The following ACYP2 variants were observed in gnomAD, a reference collection of about 807,000 sequenced individuals.
The protein encoded by ACYP2 is acylphosphatase-2.
ACYP2 carries 12 observed loss-of-function variants against 11.2 expected under a neutral mutation model. That is an observed-to-expected ratio of 1.08 (90% CI 0.69 to 1.74). The LOEUF (loss-of-function observed/expected upper bound fraction) is 1.74. Among genes scored for constraint, ACYP2 ranks in the 40% most tolerant of loss-of-function variants. ACYP2 has a pLI of 0.00. For missense variants in ACYP2, 134 were observed against 101.9 expected (o/e 1.31, Z -1.35); for synonymous variants, 43 against 32.2 (o/e 1.33, Z -1.13).
intron 4 of ACYP2, among the ~76,000 whole-genome samples, chr2:54,118,211 T>C (rs1349573043): frequency 6.6e-6 from 1 of 152,218 alleles, no homozygotes; most frequent in Non-Finnish European, 1.5e-5. Context: ...TAGAAAGTCT[T>C]TGAGTGAACC....
chr2:54,102,638 CAAAAAAAAAAAAAAAA>C (rs58842257), intron 4 of ACYP2, among the ~76,000 whole-genome samples: 18 of 83,328 alleles, frequency 2.2e-4, no homozygotes, highest in African/African-American at 5.2e-4. Flanking sequence ...TGGCTTAAGC[CAAAAAAAAAAAAAAAA>C]AAAAAAAAAA....
chr2:54,160,957 A>T (rs1682683638), intron 6 of ACYP2, among the ~76,000 whole-genome samples: 2 of 152,216 alleles, frequency 1.3e-5, no homozygotes, highest in Admixed American at 6.5e-5. Context: ...ATATAATTTT[A>T]AAATAACCTA....
At chr2:54,208,169 T>C (rs1685160539) in intron 6 of ACYP2, among the ~76,000 whole-genome samples, 1 of 152,096 alleles carries the variant, frequency 6.6e-6, no homozygotes, top group African/African-American at 2.4e-5. Flanking sequence ...ACCAAGTTTT[T>C]GTCTTCTGTA....
chr2:54,124,081 T>C (rs1221736738), intron 4 of ACYP2, among the ~76,000 whole-genome samples: 1 of 152,194 alleles, frequency 6.6e-6, no homozygotes, highest in Non-Finnish European at 1.5e-5. Flanking sequence ...TCCCAAGTAG[T>C]GACACAAAAG....
intron 2 of ACYP2, among the ~76,000 whole-genome samples, chr2:54,007,122 G>C (rs1673106558): frequency 9.9e-6 from 1 of 100,956 alleles, no homozygotes; most frequent in African/African-American, 4.0e-5. Flanking sequence ...CTGGGCAACA[G>C]AGAGAGACTC....
At chr2:54,134,845 A>G (rs1453446492) in intron 4 of ACYP2, among the ~76,000 whole-genome samples, 2 of 152,244 alleles carry the variant, frequency 1.3e-5, no homozygotes, top group Non-Finnish European at 2.9e-5. Flanking sequence ...AGCATTTATC[A>G]TACACTGTGG....
intron 2 of ACYP2, among the ~76,000 whole-genome samples, chr2:54,009,178 A>G (rs900621994): frequency 6.6e-6 from 1 of 152,036 alleles, no homozygotes; most frequent in African/African-American, 2.4e-5. Context: ...TCAGACAGCA[A>G]AAGATTTGAG....
chr2:54,154,318 C>G (rs1483970136), intron 6 of ACYP2, among the ~76,000 whole-genome samples: 1 of 152,154 alleles, frequency 6.6e-6, no homozygotes, highest in African/African-American at 2.4e-5. Context: ...ACATCCAGTA[C>G]TACATTAAAT....
intron 4 of ACYP2, among the ~76,000 whole-genome samples, chr2:54,111,476 C>T (rs1679457872): frequency 6.9e-6 from 1 of 144,748 alleles, no homozygotes; most frequent in African/African-American, 2.7e-5. Flanking sequence ...TTAAATTGGA[C>T]TGTGACAAAG....
chr2:54,261,078 C>G (rs1687755354), intron 6 of ACYP2, among the ~76,000 whole-genome samples: 1 of 151,968 alleles, frequency 6.6e-6, no homozygotes, highest in African/African-American at 2.4e-5. Context: ...TGTCACAGAC[C>G]CTGGTATTAT....
At chr2:54,085,711 G>A (rs556913778) in intron 4 of ACYP2, among the ~76,000 whole-genome samples, 1 of 152,318 alleles carries the variant, frequency 6.6e-6, no homozygotes, top group South Asian at 2.1e-4. Flanking sequence ...TGGAAAAAGA[G>A]ATAGAGATGT....
intron 4 of ACYP2, among the ~76,000 whole-genome samples, chr2:54,091,056 G>A (rs1011638146): frequency 2.0e-5 from 3 of 152,200 alleles, no homozygotes; most frequent in African/African-American, 7.2e-5. Context: ...AGGCAGAGAA[G>A]AAACTCTACT....
At chr2:54,211,258 T>C (rs954453060) in intron 6 of ACYP2, among the ~76,000 whole-genome samples, 2 of 152,252 alleles carry the variant, frequency 1.3e-5, no homozygotes, top group Non-Finnish European at 2.9e-5. Flanking sequence ...GAAATACTGT[T>C]AGAGTTTCCT....
rs866585504 is a variant in ACYP2 at position 54,219,879 on chromosome 2, G to A, written c.404+81131G>A. On this transcript the variant is annotated intron_variant, in intron 6 of 6. Transcript: ENST00000607452. ...TAGATGTGTGTGTGTGTGTGTGTGT[G>A]TGTATATATATATATATATATATAT... 2.4e-4 allele frequency among the ~76,000 whole-genome samples: 13 copies of A among 54,386 alleles called. No individual in the cohort carries two copies. In the East Asian group the frequency reaches 4.8e-3, roughly 20 times the overall value. 35.7% of individuals were successfully genotyped at this position (54,386 alleles called of 152,430 possible).
At chr2:54,098,456 G>A (rs1358668886) in intron 4 of ACYP2, among the ~76,000 whole-genome samples, 2 of 152,068 alleles carry the variant, frequency 1.3e-5, no homozygotes, top group Admixed American at 6.5e-5. Context: ...AACGAGGGCA[G>A]TTGTCCCATG....
In ACYP2 at chr2:54,164,050, A is replaced by G. The variant is rs535435924; in HGVS notation, c.404+25302A>G. 6.6e-5 allele frequency among the ~76,000 whole-genome samples: 10 copies of G among 152,350 alleles called. No homozygotes were observed. The East Asian group carries it at 1.9e-3, about 29-fold the overall frequency. ...AATAGGGAGTATTCTGTCAAATGGT[A>G]AAGAAGCGTGGTAGAATTTCGGAAG... On this transcript the variant is annotated intron_variant, in intron 6 of 6. Coordinates refer to ENST00000607452, the MANE Select transcript of ACYP2 (RefSeq NM_001320586.2).
rs182861740 is a variant in ACYP2 at position 54,149,251 on chromosome 2, T to G, written c.404+10503T>G. On this transcript the variant is annotated intron_variant, in intron 6 of 6. Transcript: ENST00000607452. ...CTTCCCAGGCCATGAAAATGTGGAA[T>G]ACAACAGGGACCATCATTTAGAGAT... Among the ~76,000 whole-genome samples, 15 of 152,344 alleles carry G rather than the reference T, an allele frequency of 9.8e-5. No individual in the cohort carries two copies. In the East Asian group the frequency reaches 2.9e-3, roughly 29 times the overall value.
At chr2:54,064,048 A>G (rs1676611765) in intron 4 of ACYP2, among the ~76,000 whole-genome samples, 1 of 151,766 alleles carries the variant, frequency 6.6e-6, no homozygotes, top group Non-Finnish European at 1.5e-5. Flanking sequence ...GGGTCTCGCT[A>G]TTGTTGCCCT....
intron 6 of ACYP2, 30 bp downstream of exon 3, chr2:54,138,778 G>A: frequency 6.4e-7 from 1 of 1,570,638 alleles, no homozygotes. Flanking sequence ...ACATGTACAT[G>A]AAATTTATGA....
Sources: gnomAD v4.1 joint callset for allele counts (sites outside exome capture counted in the v4.1 genomes callset) on GRCh38, gnomAD v4.1.1 for gene constraint, MANE v1.5 for transcripts, NCBI Gene and HGNC (gene_info 2026-07-23, HGNC 2026-07-21) for gene names.